The following EPHA5 variants were observed in gnomAD, a reference collection of about 807,000 sequenced individuals.
EPHA5 encodes the protein ephrin type-A receptor 5.
In EPHA5, 60 loss-of-function variants were observed where a neutral mutation model predicts 105.0. The ratio of observed to expected loss-of-function variants is 0.57; its 90% CI spans 0.46 to 0.71. The LOEUF (loss-of-function observed/expected upper bound fraction) is 0.71. Among genes scored for constraint, EPHA5 ranks in the 30% least tolerant of loss-of-function variants. The probability of loss-of-function intolerance (pLI) is 0.00; values close to 1 mark genes in which losing one functional copy is unlikely to be tolerated. For missense variants in EPHA5, 1,218 were observed against 1,274.7 expected (o/e 0.96, Z 0.68); for synonymous variants, 513 against 449.1 (o/e 1.14, Z -1.80).
chr4:65,465,604 G>C (rs1262311934), intron 5 of EPHA5, among the ~76,000 whole-genome samples: 4 of 149,980 alleles, frequency 2.7e-5, no homozygotes, highest in Non-Finnish European at 5.9e-5. Flanking sequence ...AGGAAGGAAA[G>C]GAAGAAAGAA....
chr4:65,486,309 A>G (rs2149202137), intron 5 of EPHA5, among the ~76,000 whole-genome samples: 1 of 151,284 alleles, frequency 6.6e-6, no homozygotes, highest in South Asian at 2.1e-4. Flanking sequence ...AGGGTATTTA[A>G]GCCTCAACCA....
At chr4:65,351,319 T>A (rs932027161) in intron 13 of EPHA5, 70 bp downstream of exon 13, 1 of 1,395,300 alleles carries the variant, frequency 7.2e-7, no homozygotes, top group Non-Finnish European at 9.9e-7. Context: ...CTTTTAGCTA[T>A]TTCTTTCAGA....
chr4:65,599,069 T>C (rs972966312), intron 3 of EPHA5, among the ~76,000 whole-genome samples: 5 of 152,046 alleles, frequency 3.3e-5, no homozygotes, highest in African/African-American at 4.8e-5. Context: ...TATAAAGTCA[T>C]TCATTAAATT....
At chr4:65,552,434 A>C (rs1738011496) in intron 3 of EPHA5, among the ~76,000 whole-genome samples, 1 of 152,132 alleles carries the variant, frequency 6.6e-6, no homozygotes, top group African/African-American at 2.4e-5. Context: ...AAAATCAGAT[A>C]ATTTTCTGGT....
At chr4:65,446,287 A>G (rs1445308683) in intron 5 of EPHA5, among the ~76,000 whole-genome samples, 1 of 152,202 alleles carries the variant, frequency 6.6e-6, no homozygotes, top group Non-Finnish European at 1.5e-5. Context: ...AATTAGGTCT[A>G]TTTGGAATAA....
At chr4:65,377,627 A>T (rs1719140812) in intron 8 of EPHA5, among the ~76,000 whole-genome samples, 1 of 151,958 alleles carries the variant, frequency 6.6e-6, no homozygotes, top group African/African-American at 2.4e-5. Flanking sequence ...TTCCAGATTT[A>T]AAAACAGTAT....
chr4:65,454,149 G>T (rs1043189269), intron 5 of EPHA5, among the ~76,000 whole-genome samples: 1 of 151,996 alleles, frequency 6.6e-6, no homozygotes, highest in African/African-American at 2.4e-5. Context: ...GCATGGTGGC[G>T]CATGCCTGTA....
intron 5 of EPHA5, among the ~76,000 whole-genome samples, chr4:65,434,031 G>A (rs1725247188): frequency 6.6e-6 from 1 of 151,652 alleles, no homozygotes; most frequent in South Asian, 2.1e-4. Flanking sequence ...CCCCAGCCTG[G>A]GCAAAAAGGT....
intron 3 of EPHA5, among the ~76,000 whole-genome samples, chr4:65,496,726 G>A (rs1163877102): frequency 6.6e-6 from 1 of 152,110 alleles, no homozygotes; most frequent in Non-Finnish European, 1.5e-5. Context: ...ATGATTTACA[G>A]TCCTTTGGGT....
chr4:65,432,614 C>T (rs1180352071), intron 5 of EPHA5, among the ~76,000 whole-genome samples: 1 of 151,938 alleles, frequency 6.6e-6, no homozygotes, highest in East Asian at 1.9e-4. Flanking sequence ...GTCACCCAGT[C>T]TTGAGTGCAG....
At chr4:65,367,196 G>A (rs1717989426) in intron 9 of EPHA5, among the ~76,000 whole-genome samples, 161 bp downstream of exon 9, 1 of 149,042 alleles carries the variant, frequency 6.7e-6, no homozygotes, top group South Asian at 2.1e-4. Context: ...AAATACCCAA[G>A]CCCGTATTCT....
intron 6 of EPHA5, among the ~76,000 whole-genome samples, chr4:65,419,706 C>T (rs151227167): frequency 9.9e-4 from 150 of 152,242 alleles, no homozygotes; most frequent in African/African-American, 3.5e-3. Context: ...ATGGTGGCTA[C>T]ATCTCTGAGC....
intron 3 of EPHA5, among the ~76,000 whole-genome samples, chr4:65,497,745 A>T (rs1305897364): frequency 6.6e-6 from 1 of 152,026 alleles, no homozygotes; most frequent in African/African-American, 2.4e-5. Flanking sequence ...TATCACATAT[A>T]ACACTGCTGT....
At chr4:65,400,865 T>G (rs1721746832) in intron 8 of EPHA5, among the ~76,000 whole-genome samples, 1 of 152,136 alleles carries the variant, frequency 6.6e-6, no homozygotes, top group Admixed American at 6.6e-5. Context: ...CAAGTGATGT[T>G]AATATTTTGC....
At chr4:65,537,070 A>T (rs1340477801) in intron 3 of EPHA5, among the ~76,000 whole-genome samples, 1 of 151,850 alleles carries the variant, frequency 6.6e-6, no homozygotes, top group Non-Finnish European at 1.5e-5. Context: ...TCCAAAAATT[A>T]GAACATATTT....
At chr4:65,368,546 A>T (rs1018699012) in intron 8 of EPHA5, among the ~76,000 whole-genome samples, 2 of 152,170 alleles carry the variant, frequency 1.3e-5, no homozygotes, top group Admixed American at 6.6e-5. Context: ...ATTAACTCTA[A>T]CATTTCCTCA....
chr4:65,580,193 A>G (rs200566773), intron 3 of EPHA5, among the ~76,000 whole-genome samples: 1 of 151,918 alleles, frequency 6.6e-6, no homozygotes, highest in Non-Finnish European at 1.5e-5. Flanking sequence ...ATGTTTAAGG[A>G]CTCATTAAAA....
Position 65,324,185 on chromosome 4 carries a change from G to T in EPHA5, c.2980C>A (p.His994Asn). 1.2e-6 allele frequency: 2 copies of T among 1,609,310 alleles called. No homozygotes were observed. The highest frequency in any genetic ancestry group is 2.2e-5 in the South Asian group (2 of 90,892). ...LRRLGVTLVG[H>N]QKKIMNSLQE... is the part of the protein sequence containing the mutation. ...AGGCTGTTCATGATCTTCTTCTGGT[G>T]ACCGACAAGAGTCACTCCAAGCCGT... Residue 994 changes from histidine (H) to asparagine (N), a missense_variant, in exon 17 of 17, where the codon CAC (histidine) becomes AAC (asparagine). By Grantham distance (68) the His-to-Asn change is moderately conservative. This residue lies in a region of EPHA5 where 971 missense variants were observed against 1,013.5 expected (regional missense o/e 0.96). Transcript: ENST00000613740.
In EPHA5 at chr4:65,490,683, A is replaced by T. The variant is rs2149214463; in HGVS notation, c.1096T>A (p.Ser366Thr). ...RPPSAPRNAISNVNETSVFLE... is the reference protein window; with the variant it reads ...RPPSAPRNAITNVNETSVFLE... ...AAGACACTAGTTTCATTAACATTTG[A>T]GATGGCATTCCGAGGAGCAGAGGGG... The change falls in exon 5 of 17, where the codon TCA becomes ACA. Residue 366 changes from serine to threonine, a missense_variant. Physicochemically the swap from Ser to Thr is moderately conservative, Grantham distance 58. Transcript: ENST00000613740. 1.9e-6 allele frequency: 3 copies of T among 1,614,002 alleles called. No homozygotes were observed. Among genetic ancestry groups the T allele is most frequent in the Non-Finnish European group, 2.5e-6 (3 of 1,179,866 alleles).
Sources: gnomAD v4.1 joint callset for allele counts (sites outside exome capture counted in the v4.1 genomes callset) on GRCh38, gnomAD v4.1.1 for gene constraint, gnomAD v4.1.1 regional missense constraint, MANE v1.5 for transcripts, NCBI Gene and HGNC (gene_info 2026-07-23, HGNC 2026-07-21) for gene names.